C8orf34: variants seen among roughly 807,000 people sequenced by gnomAD.
C8orf34 encodes chromosome 8 open reading frame 34, also known as uncharacterized protein C8orf34.
In C8orf34, 65 loss-of-function variants were observed where a neutral mutation model predicts 68.3. The ratio of observed to expected loss-of-function variants is 0.95; its 90% CI spans 0.78 to 1.17. The LOEUF (loss-of-function observed/expected upper bound fraction) is 1.17, where lower values mean the gene tolerates loss of function less well. Among genes scored for constraint, C8orf34 ranks in the 50% most tolerant of loss-of-function variants. The pLI is 0.00. For missense variants in C8orf34, 664 were observed against 655.4 expected (o/e 1.01, Z -0.14); for synonymous variants, 244 against 241.2 (o/e 1.01, Z -0.11).
chr8:68,381,709 G>A lies in C8orf34; in HGVS notation c.327+50370G>A, dbSNP rs553938887. 8.2e-3 allele frequency among the ~76,000 whole-genome samples: 1,026 copies of A among 124,778 alleles called. 5 individuals carry two copies. The highest frequency in any genetic ancestry group is 0.012 in the Non-Finnish European group (768 of 63,114). The allele number at this position is 124,778 out of a possible 152,430, so 81.9% of individuals were successfully genotyped here. ...ATTGCGCCACTGCAGTCCGCAGTCC[G>A]GCCTGGGCGACAGAGCGAGACTCCG... On this transcript the variant is annotated intron_variant, in intron 1 of 13. Coordinates refer to ENST00000518698, the MANE Select transcript of C8orf34 (RefSeq NM_052958.4).
chr8:68,407,995 C>A (rs1437944991), intron 1 of C8orf34, among the ~76,000 whole-genome samples: 1 of 152,090 alleles, frequency 6.6e-6, no homozygotes, highest in Non-Finnish European at 1.5e-5. Context: ...TGTTACAGGT[C>A]CATGACCTGT....
chr8:68,421,682 GGCT>G, intron 1 of C8orf34, among the ~76,000 whole-genome samples: 1 of 152,274 alleles, frequency 6.6e-6, no homozygotes, highest in East Asian at 1.9e-4. Context: ...AACAAACCCT[GGCT>G]CTACAAATAG....
chr8:68,759,406 G>A (rs927264806), intron 10 of C8orf34, among the ~76,000 whole-genome samples: 6 of 152,152 alleles, frequency 3.9e-5, no homozygotes, highest in African/African-American at 1.4e-4. Context: ...TTAGCAAAAT[G>A]CAATTTTGTG....
chr8:68,434,144 TA>T (rs1156873452), intron 1 of C8orf34, among the ~76,000 whole-genome samples: 3 of 152,210 alleles, frequency 2.0e-5, no homozygotes, highest in African/African-American at 7.2e-5. Flanking sequence ...TTTCTTCTTT[TA>T]CTTTAAGTTC....
chr8:68,689,516 C>T (rs1049244877), intron 8 of C8orf34, among the ~76,000 whole-genome samples: 1 of 152,092 alleles, frequency 6.6e-6, no homozygotes, highest in Non-Finnish European at 1.5e-5. Context: ...GCAATATCGC[C>T]TTTCTGCAAG....
chr8:68,430,870 T>C (rs1319637654), intron 1 of C8orf34, among the ~76,000 whole-genome samples: 1 of 152,128 alleles, frequency 6.6e-6, no homozygotes, highest in Non-Finnish European at 1.5e-5. Context: ...CCCTCTTCTC[T>C]AAACATTTTT....
chr8:68,558,680 T>C (rs1816330451), intron 7 of C8orf34, among the ~76,000 whole-genome samples: 1 of 152,078 alleles, frequency 6.6e-6, no homozygotes, highest in African/African-American at 2.4e-5. Flanking sequence ...AAAATATGTT[T>C]AGATATAAAA....
chr8:68,472,484 G>A (rs1056247016), intron 4 of C8orf34, among the ~76,000 whole-genome samples: 8 of 152,032 alleles, frequency 5.3e-5, no homozygotes, highest in South Asian at 2.1e-4. Flanking sequence ...TTCTATTTGA[G>A]GGTGTGAAAA....
At chr8:68,341,446 C>T (rs74530426) in intron 1 of C8orf34, among the ~76,000 whole-genome samples, 8 of 152,158 alleles carry the variant, frequency 5.3e-5, no homozygotes, top group Non-Finnish European at 1.2e-4. Flanking sequence ...TATGGGAAAT[C>T]TAAAAAAACT....
intron 7 of C8orf34, among the ~76,000 whole-genome samples, chr8:68,637,377 C>A (rs1818877547): frequency 6.6e-6 from 1 of 152,074 alleles, no homozygotes; most frequent in Non-Finnish European, 1.5e-5. Flanking sequence ...TAGGAGCTTG[C>A]ATCAGAGTTA....
chr8:68,648,113 GT>G (rs1458816526), intron 8 of C8orf34, among the ~76,000 whole-genome samples: 3 of 152,162 alleles, frequency 2.0e-5, no homozygotes, highest in African/African-American at 7.2e-5. Context: ...TCAGGTAGAT[GT>G]TTAAAATAGT....
chr8:68,707,064 A>G (rs1821187789), intron 8 of C8orf34, among the ~76,000 whole-genome samples: 1 of 152,142 alleles, frequency 6.6e-6, no homozygotes, highest in Non-Finnish European at 1.5e-5. Context: ...CTCTTATGGT[A>G]AAAAAACAAA....
At chr8:68,585,978 G>A (rs1817198176) in intron 7 of C8orf34, among the ~76,000 whole-genome samples, 1 of 152,050 alleles carries the variant, frequency 6.6e-6, no homozygotes, top group African/African-American at 2.4e-5. Context: ...GGATTACATG[G>A]GAGTGTAAAT....
chr8:68,442,446 T>C (rs1292885289), intron 2 of C8orf34, among the ~76,000 whole-genome samples: 28 of 152,110 alleles, frequency 1.8e-4, no homozygotes, highest in Admixed American at 1.8e-3. Context: ...TTGAGAATTG[T>C]GGTTGTGTTA....
chr8:68,386,493 A>G (rs575818042), intron 1 of C8orf34, among the ~76,000 whole-genome samples: 1 of 152,184 alleles, frequency 6.6e-6, no homozygotes, highest in Non-Finnish European at 1.5e-5. Context: ...AGACAAAGCT[A>G]GAATCTATAG....
In C8orf34 at chr8:68,576,420, A is replaced by G. The variant is rs527860575; in HGVS notation, c.1105+43271A>G. ...TAGGAATGGAAAGTTATCAAAACCT[A>G]GAGTCTGTTTAATGTCACAGATAAT... On this transcript the variant is annotated intron_variant, in intron 7 of 13. Coordinates refer to ENST00000518698, the MANE Select transcript of C8orf34 (RefSeq NM_052958.4). Among the ~76,000 whole-genome samples, 53 of 151,774 alleles carry G rather than the reference A, an allele frequency of 3.5e-4. 3 individuals carry two copies. The highest frequency in any genetic ancestry group is 1.3e-3 in the African/African-American group (52 of 41,164).
At chr8:68,807,283 T>C (rs1824515554) in intron 12 of C8orf34, among the ~76,000 whole-genome samples, 1 of 152,226 alleles carries the variant, frequency 6.6e-6, no homozygotes, top group South Asian at 2.1e-4. Context: ...TGTTTTAAAA[T>C]CACCAAAGCC....
At position 68,350,238 on chromosome 8, in the gene C8orf34, G is replaced by T. The variant is rs544718975; in HGVS notation, c.327+18899G>T. Among the ~76,000 whole-genome samples, 4 of 151,338 alleles carry T rather than the reference G, an allele frequency of 2.6e-5. No homozygotes were observed. The South Asian group carries it at 8.4e-4, about 32-fold the overall frequency. On this transcript the variant is annotated intron_variant, in intron 1 of 13. Transcript: ENST00000518698. ...TCATTACTTATCCATGTAACTGCAT[G>T]ATTTTGAGTGATTTTCATAGTCTTG...
In C8orf34 at chr8:68,770,233, C is replaced by T. The variant is rs552895180; in HGVS notation, c.1405-6166C>T. Among the ~76,000 whole-genome samples, 11 of 152,318 alleles carry T rather than the reference C, an allele frequency of 7.2e-5. No individual in the cohort carries two copies. In the South Asian group the frequency reaches 1.9e-3, roughly 26 times the overall value. On this transcript the variant is annotated intron_variant, in intron 10 of 13. Transcript: ENST00000518698. ...CCCTCTGGTTCTATTGTCAATACCT[C>T]ATAGCTAAAGAAACTCAGCTTCAGA...
Sources: allele counts gnomAD v4.1 joint callset (sites outside exome capture counted in the v4.1 genomes callset), GRCh38; gene constraint gnomAD v4.1.1; transcripts MANE v1.5; gene names NCBI Gene and HGNC (gene_info 2026-07-23, HGNC 2026-07-21).